The following MTMR2 variants were observed in gnomAD, a reference collection of about 807,000 sequenced individuals.
The protein encoded by MTMR2 is myotubularin related protein 2.
MTMR2 carries 55 observed loss-of-function variants against 86.9 expected under a neutral mutation model. That is an observed-to-expected ratio of 0.63 (90% CI 0.51 to 0.79). The LOEUF is 0.79. Ranked by LOEUF, MTMR2 falls within the 30% of genes least tolerant of loss-of-function variation. The probability of loss-of-function intolerance (pLI) is 0.00; values close to 1 mark genes in which losing one functional copy is unlikely to be tolerated. For synonymous variants in MTMR2, 241 were observed against 266.8 expected (o/e 0.90, Z 0.94); for missense variants, 659 against 772.3 (o/e 0.85, Z 1.74).
At chr11:95,847,120 T>C (rs1033396959) in intron 10 of MTMR2, among the ~76,000 whole-genome samples, 3 of 152,190 alleles carry the variant, frequency 2.0e-5, no homozygotes, top group Non-Finnish European at 4.4e-5. Context: ...AGCACTGACA[T>C]GTGCTCTGCG....
chr11:95,877,475 C>G (rs1290650215), intron 2 of MTMR2, among the ~76,000 whole-genome samples: 1 of 150,996 alleles, frequency 6.6e-6, no homozygotes, highest in Admixed American at 6.6e-5. Flanking sequence ...GGATGACTAT[C>G]TAAAGAAGAA....
intron 1 of MTMR2, among the ~76,000 whole-genome samples, chr11:95,897,140 A>G (rs1484720902): frequency 6.6e-6 from 1 of 151,994 alleles, no homozygotes; most frequent in African/African-American, 2.4e-5. Flanking sequence ...TGAAAATCCC[A>G]TGAGAGCTAT....
intron 1 of MTMR2, among the ~76,000 whole-genome samples, chr11:95,900,727 G>C (rs533513439): frequency 4.6e-5 from 7 of 152,194 alleles, no homozygotes; most frequent in African/African-American, 1.7e-4. Flanking sequence ...GCATGTGCGT[G>C]TGCACGCACA....
At chr11:95,905,051 C>A (rs1306879015) in intron 1 of MTMR2, among the ~76,000 whole-genome samples, 5 of 152,126 alleles carry the variant, frequency 3.3e-5, no homozygotes, top group East Asian at 3.9e-4. Flanking sequence ...GTTGATCACA[C>A]CTTCCTCCTT....
intron 7 of MTMR2, among the ~76,000 whole-genome samples, chr11:95,853,161 G>T (rs1266423780): frequency 6.7e-6 from 1 of 148,956 alleles, no homozygotes; most frequent in African/African-American, 2.5e-5. Flanking sequence ...TTTTTCACAT[G>T]CTGTACTAAA....
chr11:95,878,827 G>C (rs1168124568), intron 2 of MTMR2, among the ~76,000 whole-genome samples: 1 of 152,098 alleles, frequency 6.6e-6, no homozygotes, highest in African/African-American at 2.4e-5. Flanking sequence ...AAGAAAGACA[G>C]AAGATAGGTG....
Position 95,836,143 on chromosome 11 carries a change from C to T in MTMR2, c.1770+5G>A. ...AACTCCCATTGTATATTGTAAGGCA[C>T]ATACCTGTGGTTTCATCCGTGGATT... On this transcript the variant is annotated splice_donor_5th_base_variant and intron_variant, in intron 14 of 14. Transcript: ENST00000346299. 6.3e-7 allele frequency: 1 copy of T among 1,592,682 alleles called. No individual in the cohort carries two copies. The highest frequency in any genetic ancestry group is 2.2e-5 in the East Asian group (1 of 44,850).
chr11:95,918,370 G>A (rs1866786108), intron 1 of MTMR2, among the ~76,000 whole-genome samples: 1 of 152,134 alleles, frequency 6.6e-6, no homozygotes, highest in Non-Finnish European at 1.5e-5. Flanking sequence ...CTGGCCTGGA[G>A]ACCAAACTTT....
At chr11:95,915,361 G>A (rs904171517) in intron 1 of MTMR2, among the ~76,000 whole-genome samples, 3 of 152,048 alleles carry the variant, frequency 2.0e-5, no homozygotes, top group Non-Finnish European at 4.4e-5. Flanking sequence ...AAATGGATAT[G>A]TTTCTGACTT....
At chr11:95,908,788 T>C (rs1021544068) in intron 1 of MTMR2, among the ~76,000 whole-genome samples, 2 of 152,094 alleles carry the variant, frequency 1.3e-5, no homozygotes, top group African/African-American at 4.8e-5. Flanking sequence ...TATCTATACG[T>C]AGATTGAAAC....
intron 2 of MTMR2, among the ~76,000 whole-genome samples, chr11:95,880,928 G>A (rs935447095): frequency 6.6e-6 from 1 of 151,958 alleles, no homozygotes; most frequent in Non-Finnish European, 1.5e-5. Context: ...CATAAAGTTG[G>A]TAAATTTTAG....
intron 2 of MTMR2, among the ~76,000 whole-genome samples, chr11:95,881,748 A>T (rs967835890): frequency 9.2e-5 from 14 of 152,284 alleles, no homozygotes; most frequent in African/African-American, 3.1e-4. Context: ...CAGATTTCCC[A>T]TACAGACAAT....
chr11:95,924,022 G>C lies in MTMR2; in HGVS notation c.-68C>G. On this transcript the variant is annotated 5_prime_UTR_variant, in exon 1 of 15. Transcript: ENST00000346299. ...GCGGCTACAGGGCGGGAGAAGCGGA[G>C]GGCGGAGTGCTACGGACCGGGGCCG... 6.5e-7 allele frequency: 1 copy of C among 1,539,190 alleles called. No individual in the cohort carries two copies. The highest frequency in any genetic ancestry group is 8.8e-7 in the Non-Finnish European group (1 of 1,137,528).
intron 12 of MTMR2, among the ~76,000 whole-genome samples, chr11:95,839,642 G>C (rs535748088): frequency 6.6e-5 from 10 of 152,218 alleles, no homozygotes; most frequent in African/African-American, 2.4e-4. Flanking sequence ...ATTGCTTCCT[G>C]ATCTCAGGGC....
At chr11:95,895,580 A>T (rs1002229530) in intron 1 of MTMR2, among the ~76,000 whole-genome samples, 3 of 152,250 alleles carry the variant, frequency 2.0e-5, no homozygotes, top group East Asian at 1.9e-4. Flanking sequence ...CTATAATAAA[A>T]TTTTTTTAAA....
chr11:95,839,830 G>T (rs1039409055), intron 12 of MTMR2, among the ~76,000 whole-genome samples: 5 of 152,046 alleles, frequency 3.3e-5, no homozygotes, highest in African/African-American at 1.2e-4. Flanking sequence ...TTATATTCAG[G>T]AAGAAAATAT....
At chr11:95,916,392 A>C (rs1039658677) in intron 1 of MTMR2, among the ~76,000 whole-genome samples, 2 of 151,972 alleles carry the variant, frequency 1.3e-5, no homozygotes, top group African/African-American at 4.8e-5. Context: ...ACTGCCAAAA[A>C]AGTATCCTTC....
At chr11:95,893,012 T>C (rs547446140) in intron 1 of MTMR2, among the ~76,000 whole-genome samples, 1 of 152,270 alleles carries the variant, frequency 6.6e-6, no homozygotes, top group East Asian at 1.9e-4. Flanking sequence ...CATCTTCACA[T>C]ATAAAAACCT....
At chr11:95,840,557 C>T (rs1863501852) in intron 12 of MTMR2, among the ~76,000 whole-genome samples, 1 of 152,112 alleles carries the variant, frequency 6.6e-6, no homozygotes, top group Non-Finnish European at 1.5e-5. Flanking sequence ...ATTGTATACA[C>T]CTTTTCAGTA....
Sources: allele counts gnomAD v4.1 joint callset (sites outside exome capture counted in the v4.1 genomes callset), GRCh38; gene constraint gnomAD v4.1.1; transcripts MANE v1.5; gene names NCBI Gene and HGNC (gene_info 2026-07-23, HGNC 2026-07-21).